OSBPL9: variants seen among roughly 807,000 people sequenced by gnomAD.
OSBPL9 encodes oxysterol-binding protein-related protein 9.
OSBPL9 carries 40 observed loss-of-function variants against 106.6 expected under a neutral mutation model. The observed-to-expected ratio is 0.38, with a 90% confidence interval of 0.29 to 0.49. OSBPL9 has a LOEUF of 0.49. OSBPL9 is among the 20% of genes least tolerant of loss of function. The pLI is 0.97. For missense variants in OSBPL9, 609 were observed against 887.2 expected, an observed-to-expected ratio of 0.69 and a Z score of 3.98; for synonymous variants, 269 against 295.4, an observed-to-expected ratio of 0.91 and a Z score of 0.92.
At chr1:51,631,078 A>G (rs1468668281) in intron 1 of OSBPL9, among the ~76,000 whole-genome samples, 1 of 152,198 alleles carries the variant, frequency 6.6e-6, no homozygotes, top group Non-Finnish European at 1.5e-5. Context: ...GGGATTTTTC[A>G]AAGATAGTTT....
chr1:51,707,214 G>C (rs570836997), intron 3 of OSBPL9: 1 of 354,042 alleles, frequency 2.8e-6, no homozygotes. Flanking sequence ...GTCATACCAG[G>C]AATTGAGCCT....
At chr1:51,616,281 A>G (rs1422735281), upstream of OSBPL9, among the ~76,000 whole-genome samples, 1 of 152,090 alleles carries the variant, frequency 6.6e-6, no homozygotes, top group African/African-American at 2.4e-5. Context: ...CACCGCGCCC[A>G]GCCAATAAAT....
At chr1:51,680,531 C>T (rs1557680766) in intron 3 of OSBPL9, among the ~76,000 whole-genome samples, 1 of 151,458 alleles carries the variant, frequency 6.6e-6, no homozygotes, top group Non-Finnish European at 1.5e-5. Flanking sequence ...CGTGGTGGTA[C>T]GTGCCTGTAG....
chr1:51,736,232 C>T (rs537560486), intron 4 of OSBPL9, among the ~76,000 whole-genome samples: 99 of 152,256 alleles, frequency 6.5e-4, no homozygotes, highest in African/African-American at 2.4e-3. Flanking sequence ...TAAACTAAAT[C>T]AGTAATTTTG....
At chr1:51,658,026 T>G (rs563082750) in intron 2 of OSBPL9, among the ~76,000 whole-genome samples, 17 of 152,088 alleles carry the variant, frequency 1.1e-4, no homozygotes, top group African/African-American at 4.1e-4. Flanking sequence ...GAGGATCACT[T>G]GAGTGCAGGA....
chr1:51,628,667 T>G (rs1644918140), intron 1 of OSBPL9, among the ~76,000 whole-genome samples: 1 of 151,684 alleles, frequency 6.6e-6, no homozygotes, highest in South Asian at 2.1e-4. Flanking sequence ...TCTGCTTCAA[T>G]TTATCTTTCT....
At chr1:51,615,469 A>T (rs1053903247), upstream of OSBPL9, among the ~76,000 whole-genome samples, 1 of 151,986 alleles carries the variant, frequency 6.6e-6, no homozygotes, top group African/African-American at 2.4e-5. Flanking sequence ...TTTGTATTTT[A>T]TTCCAGTGTT....
chr1:51,753,538 T>G (rs564602584), intron 8 of OSBPL9, among the ~76,000 whole-genome samples: 1 of 152,320 alleles, frequency 6.6e-6, no homozygotes, highest in African/African-American at 2.4e-5. Flanking sequence ...TATAGCCACT[T>G]TGGCAGACTC....
At chr1:51,738,126 T>C (rs989900060) in intron 4 of OSBPL9, among the ~76,000 whole-genome samples, 2 of 152,052 alleles carry the variant, frequency 1.3e-5, no homozygotes, top group Admixed American at 1.3e-4. Flanking sequence ...GTGATTTAAA[T>C]AGAGAAAAAT....
intron 11 of OSBPL9, among the ~76,000 whole-genome samples, chr1:51,762,692 T>C (rs181114316): frequency 8.5e-5 from 13 of 152,366 alleles, no homozygotes; most frequent in Admixed American, 8.5e-4. Flanking sequence ...CGTGTATTTT[T>C]ATTGTTTTTG....
Position 51,617,119 on chromosome 1 carries a change from C to G in OSBPL9, c.9C>G (p.Ser3=). 1 of 1,611,610 alleles carries G rather than the reference C, an allele frequency of 6.2e-7. No homozygotes were observed. The highest frequency in any genetic ancestry group is 8.5e-7 in the Non-Finnish European group (1 of 1,179,106). Residue 3 remains serine (S), a synonymous_variant, in exon 1 of 24, where the codon TCC becomes TCG. Coordinates refer to ENST00000428468, the MANE Select transcript of OSBPL9 (RefSeq NM_024586.6). MA[S]IMEGPLSKWT... ...CATTGGCGGCTCCCAAGATGGCGTC[C>G]ATCATGGAAGGGCCGCTGAGCAAAT...
chr1:51,612,390 T>C (rs192289685), upstream of OSBPL9, among the ~76,000 whole-genome samples: 66 of 152,302 alleles, frequency 4.3e-4, no homozygotes, highest in African/African-American at 1.6e-3. Context: ...GTTTTTGATG[T>C]TTTACGGTTA....
intron 4 of OSBPL9, among the ~76,000 whole-genome samples, chr1:51,735,752 T>C (rs1665538858): frequency 1.3e-5 from 2 of 152,234 alleles, no homozygotes; most frequent in African/African-American, 4.8e-5. Context: ...ATAGTATGTG[T>C]AAAAATGTGC....
chr1:51,718,611 A>G (rs1189802694), intron 4 of OSBPL9, among the ~76,000 whole-genome samples: 1 of 152,154 alleles, frequency 6.6e-6, no homozygotes, highest in Admixed American at 6.5e-5. Flanking sequence ...TTCTGCTTCT[A>G]GAACTGTTAG....
chr1:51,555,046 A>G, the OSBPL9 span, among the ~76,000 whole-genome samples: 1 of 152,192 alleles, frequency 6.6e-6, no homozygotes, highest in Non-Finnish European at 1.5e-5. Flanking sequence ...TTAGTTTCCC[A>G]AGAATCTATG....
intron 5 of OSBPL9, among the ~76,000 whole-genome samples, chr1:51,745,853 A>G (rs537885955): frequency 4.0e-5 from 6 of 150,360 alleles, no homozygotes; most frequent in Admixed American, 2.0e-4. Flanking sequence ...GGTCATTAAG[A>G]AAAAAAAGGT....
chr1:51,536,731 C>A, the OSBPL9 span, among the ~76,000 whole-genome samples: 137 of 152,196 alleles, frequency 9.0e-4, no homozygotes, highest in African/African-American at 3.1e-3. Flanking sequence ...AGTGTCTCCC[C>A]CTGTTTGGCT....
At chr1:51,658,812 C>T (rs1449900223) in intron 2 of OSBPL9, among the ~76,000 whole-genome samples, 1 of 151,912 alleles carries the variant, frequency 6.6e-6, no homozygotes, top group Non-Finnish European at 1.5e-5. Flanking sequence ...GAATGTCTTC[C>T]TTTTTCCCTT....
chr1:51,737,987 C>G (rs1666080585), intron 4 of OSBPL9, among the ~76,000 whole-genome samples: 1 of 151,982 alleles, frequency 6.6e-6, no homozygotes, highest in African/African-American at 2.4e-5. Flanking sequence ...AACTGACCAT[C>G]CAGGCAAACT....
Sources: allele counts gnomAD v4.1 joint callset (sites outside exome capture counted in the v4.1 genomes callset), GRCh38; gene constraint gnomAD v4.1.1; transcripts MANE v1.5; gene names NCBI Gene and HGNC (gene_info 2026-07-23, HGNC 2026-07-21).